GRIA1: variants seen among roughly 807,000 people sequenced by gnomAD.
The protein encoded by GRIA1 is glutamate receptor 1.
In GRIA1, 31 loss-of-function variants were observed where a neutral mutation model predicts 99.2. The ratio of observed to expected loss-of-function variants is 0.31; its 90% CI spans 0.23 to 0.42. GRIA1 has a LOEUF of 0.42. GRIA1 is among the 10% of genes least tolerant of loss of function. The probability of loss-of-function intolerance (pLI) is 1.00; values close to 1 mark genes in which losing one functional copy is unlikely to be tolerated. For missense variants in GRIA1, 782 were observed against 1,157.5 expected, an observed-to-expected ratio of 0.68 and a Z score of 4.71; for synonymous variants, 438 against 432.4, an observed-to-expected ratio of 1.01 and a Z score of -0.16.
intron 2 of GRIA1, among the ~76,000 whole-genome samples, chr5:153,614,731 A>G (rs7736143): frequency 1.4e-4 from 22 of 152,370 alleles, no homozygotes; most frequent in Non-Finnish European, 2.6e-4. Flanking sequence ...TTCTCTTTCT[A>G]TGCAAACAGA....
intron 15 of GRIA1, among the ~76,000 whole-genome samples, chr5:153,808,051 C>T (rs952340415): frequency 6.6e-6 from 1 of 152,176 alleles, no homozygotes; most frequent in Admixed American, 6.5e-5. Flanking sequence ...GCTTTGCACG[C>T]CTGCCTGAGC....
chr5:153,748,141 A>G (rs1762276439), intron 11 of GRIA1, among the ~76,000 whole-genome samples: 1 of 152,230 alleles, frequency 6.6e-6, no homozygotes, highest in Non-Finnish European at 1.5e-5. Flanking sequence ...GTACATATGT[A>G]ATTATATAAA....
intron 11 of GRIA1, among the ~76,000 whole-genome samples, chr5:153,753,123 C>A (rs1418379706): frequency 6.6e-6 from 1 of 152,176 alleles, no homozygotes; most frequent in Non-Finnish European, 1.5e-5. Flanking sequence ...CAGCTAATGC[C>A]TTGGCTTCAG....
At chr5:153,631,272 C>G (rs539982416) in intron 2 of GRIA1, among the ~76,000 whole-genome samples, 52 of 152,318 alleles carry the variant, frequency 3.4e-4, no homozygotes, top group African/African-American at 1.2e-3. Flanking sequence ...CACACTCTCT[C>G]TAAAGACTCC....
intron 11 of GRIA1, among the ~76,000 whole-genome samples, chr5:153,759,667 A>T (rs889187806): frequency 1.3e-5 from 2 of 152,066 alleles, no homozygotes; most frequent in Non-Finnish European, 2.9e-5. Flanking sequence ...ATTCCAAAAA[A>T]ATTGAAAGGG....
chr5:153,506,742 T>G (rs759720252), intron 2 of GRIA1, among the ~76,000 whole-genome samples: 3 of 152,178 alleles, frequency 2.0e-5, no homozygotes, highest in Admixed American at 6.5e-5. Context: ...GAATTTAGAC[T>G]CCAAGTAGTT....
intron 2 of GRIA1, among the ~76,000 whole-genome samples, chr5:153,633,376 C>T (rs1753114996): frequency 6.6e-6 from 1 of 152,048 alleles, no homozygotes; most frequent in East Asian, 1.9e-4. Flanking sequence ...GCCTTTTTTT[C>T]TCCAAATGTC....
chr5:153,668,189 CA>C (rs1290058250), intron 5 of GRIA1, among the ~76,000 whole-genome samples: 1 of 152,076 alleles, frequency 6.6e-6, no homozygotes, highest in Non-Finnish European at 1.5e-5. Context: ...ATTCTATTCT[CA>C]ACCAATCCTC....
chr5:153,785,746 G>A (rs1369737527), intron 13 of GRIA1, among the ~76,000 whole-genome samples: 2 of 152,132 alleles, frequency 1.3e-5, no homozygotes, highest in African/African-American at 4.8e-5. Flanking sequence ...TATCTAGCTC[G>A]TGAATTTCCT....
intron 11 of GRIA1, among the ~76,000 whole-genome samples, chr5:153,718,043 T>C (rs1759789835): frequency 6.6e-6 from 1 of 152,152 alleles, no homozygotes; most frequent in African/African-American, 2.4e-5. Flanking sequence ...TTTCTACAGA[T>C]ACAAGAAAGG....
At chr5:153,647,721 C>A (rs1391749444) in intron 3 of GRIA1, among the ~76,000 whole-genome samples, 5 of 152,094 alleles carry the variant, frequency 3.3e-5, no homozygotes, top group Admixed American at 2.0e-4. Flanking sequence ...CATCATCATC[C>A]TCCTCATCAT....
At chr5:153,757,204 G>C (rs955598202) in intron 11 of GRIA1, among the ~76,000 whole-genome samples, 4 of 152,046 alleles carry the variant, frequency 2.6e-5, no homozygotes, top group Admixed American at 6.6e-5. Context: ...GCAGAAGAAG[G>C]AATCAAGAGC....
chr5:153,651,809 G>A (rs374017155), intron 4 of GRIA1, among the ~76,000 whole-genome samples: 16 of 152,178 alleles, frequency 1.1e-4, no homozygotes, highest in East Asian at 9.6e-4. Flanking sequence ...TCTCTGGGCC[G>A]GAGTCAGGGA....
At chr5:153,605,989 G>C (rs1765403688) in intron 2 of GRIA1, among the ~76,000 whole-genome samples, 1 of 152,024 alleles carries the variant, frequency 6.6e-6, no homozygotes, top group South Asian at 2.1e-4. Context: ...CTTATGGATG[G>C]TTTTATATTT....
At chr5:153,712,508 T>C (rs1465450610) in intron 11 of GRIA1, among the ~76,000 whole-genome samples, 1 of 152,164 alleles carries the variant, frequency 6.6e-6, no homozygotes, top group African/African-American at 2.4e-5. Flanking sequence ...AACCTTCCTC[T>C]TTCCCCTCTT....
intron 3 of GRIA1, among the ~76,000 whole-genome samples, chr5:153,647,622 T>C (rs79268601): frequency 0.026 from 3,892 of 152,294 alleles, 189 homozygotes; most frequent in African/African-American, 0.089. Context: ...ATAAAGGTTT[T>C]GTGAAACTGA....
At chr5:153,806,685 G>A (rs1766451224) in intron 15 of GRIA1, among the ~76,000 whole-genome samples, 1 of 152,156 alleles carries the variant, frequency 6.6e-6, no homozygotes, top group African/African-American at 2.4e-5. Flanking sequence ...GAGGAAGAGG[G>A]GCAGAAAAGA....
chr5:153,670,872 G>A (rs1756116862), intron 5 of GRIA1, among the ~76,000 whole-genome samples: 1 of 152,026 alleles, frequency 6.6e-6, no homozygotes, highest in African/African-American at 2.4e-5. Context: ...GAGAAATTTA[G>A]TCTAGTAACT....
At chr5:153,678,528 G>A (rs1756750991) in intron 7 of GRIA1, among the ~76,000 whole-genome samples, 1 of 152,172 alleles carries the variant, frequency 6.6e-6, no homozygotes, top group Non-Finnish European at 1.5e-5. Flanking sequence ...CAGGCAGCTT[G>A]CAGGGGAAAA....
Sources: gnomAD v4.1 joint callset for allele counts (sites outside exome capture counted in the v4.1 genomes callset) on GRCh38, gnomAD v4.1.1 for gene constraint, MANE v1.5 for transcripts, NCBI Gene and HGNC (gene_info 2026-07-23, HGNC 2026-07-21) for gene names.